The following PCCB variants were observed in gnomAD, a reference collection of about 807,000 sequenced individuals.
PCCB encodes the protein propionyl-CoA carboxylase beta chain, mitochondrial.
Under a neutral mutation model 60.7 loss-of-function variants are expected in PCCB, and 43 were observed. That is an observed-to-expected ratio of 0.71 (90% CI 0.55 to 0.91). PCCB has a LOEUF of 0.91. PCCB is among the 40% of genes least tolerant of loss of function. The pLI is 0.00. For missense variants in PCCB, 766 were observed against 702.8 expected, an observed-to-expected ratio of 1.09 and a Z score of -1.02; for synonymous variants, 276 against 255.9, an observed-to-expected ratio of 1.08 and a Z score of -0.75.
At chr3:136,280,616 A>T (rs1298958186) in intron 5 of PCCB, among the ~76,000 whole-genome samples, 1 of 152,190 alleles carries the variant, frequency 6.6e-6, no homozygotes, top group African/African-American at 2.4e-5. Context: ...AAAGAGCTGC[A>T]ATTACAGGCA....
At chr3:136,250,658 C>T (rs1206721411) in intron 1 of PCCB, 100 bp downstream of exon 1, 31 of 1,254,956 alleles carry the variant, frequency 2.5e-5, no homozygotes, top group Non-Finnish European at 3.1e-5. Context: ...CCAATCCGCA[C>T]GGTGCCTGGA....
At chr3:136,320,004 G>C (rs1227471084) in intron 10 of PCCB, among the ~76,000 whole-genome samples, 2 of 152,184 alleles carry the variant, frequency 1.3e-5, no homozygotes, top group African/African-American at 4.8e-5. Context: ...GAAATCAACA[G>C]GCTGTGGGTG....
At chr3:136,312,348 T>C (rs1182790881) in intron 9 of PCCB, among the ~76,000 whole-genome samples, 2 of 152,186 alleles carry the variant, frequency 1.3e-5, no homozygotes, top group Non-Finnish European at 2.9e-5. Flanking sequence ...TATGCAGTTG[T>C]AACACAATGG....
intron 10 of PCCB, among the ~76,000 whole-genome samples, chr3:136,320,921 C>A (rs906609992): frequency 6.6e-6 from 1 of 152,114 alleles, no homozygotes; most frequent in African/African-American, 2.4e-5. Context: ...GGAGGAAAAC[C>A]TAATCTTTCA....
chr3:136,262,067 T>G lies in PCCB; in HGVS notation c.543+2T>G. The stretch of plus-strand genomic sequence containing the variant: ...GCTGGCTATGCAGACATCTTTCTGG[T>G]GAGAAACCTGTTAATAGAGAATAAA... On this transcript the variant is annotated splice_donor_variant, in intron 5 of 14. Coordinates refer to ENST00000251654, the MANE Select transcript of PCCB (RefSeq NM_000532.5). LOFTEE classifies it high-confidence loss of function. The G allele has an allele frequency of 6.6e-7, 1 of 1,520,292 alleles. No individual in the cohort carries two copies. 94.2% of individuals were successfully genotyped at this position (1,520,292 alleles called of 1,614,324 possible). A position where few individuals can be genotyped will look rare whatever the true frequency, so the allele number is the denominator to read the frequency against.
At chr3:136,280,418 C>T (rs1232243864) in intron 5 of PCCB, among the ~76,000 whole-genome samples, 4 of 152,284 alleles carry the variant, frequency 2.6e-5, no homozygotes, top group Admixed American at 1.3e-4. Context: ...GCGATCTTGG[C>T]GCACAGCAAC....
chr3:136,265,092 G>A (rs1941951088), intron 5 of PCCB, among the ~76,000 whole-genome samples: 1 of 152,114 alleles, frequency 6.6e-6, no homozygotes, highest in Non-Finnish European at 1.5e-5. Flanking sequence ...TACTCGGGAG[G>A]CTGAGGCAGG....
At chr3:136,305,734 T>G (rs1934432194) in intron 9 of PCCB, among the ~76,000 whole-genome samples, 1 of 95,278 alleles carries the variant, frequency 1.0e-5, no homozygotes, top group Non-Finnish European at 2.2e-5. Flanking sequence ...GGGCGATGAG[T>G]GAAACTGTCT....
intron 10 of PCCB, among the ~76,000 whole-genome samples, chr3:136,323,756 G>T (rs1279182329): frequency 6.7e-6 from 1 of 149,762 alleles, no homozygotes; most frequent in African/African-American, 2.5e-5. Context: ...TTGCACTCCA[G>T]CCTGGGTGAC....
chr3:136,260,401 T>C (rs766846866), intron 3 of PCCB, 78 bp from the exon 4 acceptor site: 4 of 1,239,306 alleles, frequency 3.2e-6, no homozygotes, highest in Non-Finnish European at 4.7e-6. Context: ...CTGTGAATTT[T>C]CTATTTCTTC....
intron 3 of PCCB, chr3:136,259,217 A>G: frequency 7.5e-7 from 1 of 1,329,914 alleles, no homozygotes; most frequent in African/African-American, 1.5e-5. Flanking sequence ...TTGTCATCTC[A>G]GCACTTTGGG....
intron 5 of PCCB, among the ~76,000 whole-genome samples, chr3:136,282,221 AAT>A (rs1456768395): frequency 7.2e-5 from 11 of 152,234 alleles, no homozygotes; most frequent in Non-Finnish European, 4.4e-5. Flanking sequence ...CCATGTTATT[AAT>A]AAATGTGAAG....
chr3:136,283,713 G>T (rs1560010338), intron 5 of PCCB, 124 bp from the exon 6 acceptor site: 1 of 699,234 alleles, frequency 1.4e-6, no homozygotes, highest in African/African-American at 1.8e-5. Context: ...TAGGTCTGTT[G>T]CCTCCTGTAT....
intron 6 of PCCB, among the ~76,000 whole-genome samples, chr3:136,292,610 A>G (rs1933746039): frequency 1.3e-5 from 2 of 152,244 alleles, no homozygotes; most frequent in South Asian, 4.1e-4. Context: ...TCAAGCTAGA[A>G]AAACAAATTT....
intron 10 of PCCB, among the ~76,000 whole-genome samples, chr3:136,321,463 T>A (rs1288014621): frequency 6.6e-6 from 1 of 152,224 alleles, no homozygotes; most frequent in Non-Finnish European, 1.5e-5. Flanking sequence ...TCAGGAAACT[T>A]ACAATCATGG....
intron 5 of PCCB, among the ~76,000 whole-genome samples, chr3:136,280,967 A>G (rs989582010): frequency 6.6e-5 from 10 of 152,298 alleles, no homozygotes; most frequent in Middle Eastern, 3.4e-3. Context: ...CAGTACTTTA[A>G]ATATGTCCCA....
In PCCB at chr3:136,281,769, T is replaced by C. The variant is rs146963851; in HGVS notation, c.544-2068T>C. On this transcript the variant is annotated intron_variant, in intron 5 of 14. Coordinates refer to ENST00000251654, the MANE Select transcript of PCCB (RefSeq NM_000532.5). ...GTCTAGTTCTCCTACTTTTCAGGAA[T>C]AGCCGATTTTTGCTTGTCAACTGCT... Among the ~76,000 whole-genome samples the C allele has an allele frequency of 3.9e-3, 592 of 152,308 alleles. 2 individuals are homozygous for C. The highest frequency in any genetic ancestry group is 0.031 in the Middle Eastern group (9 of 294).
At chr3:136,306,004 C>T (rs1284773893) in intron 9 of PCCB, among the ~76,000 whole-genome samples, 1 of 122,058 alleles carries the variant, frequency 8.2e-6, no homozygotes, top group African/African-American at 2.5e-5. Flanking sequence ...CATCTTTCCC[C>T]ATCACCCTCC....
In PCCB at chr3:136,293,778, C is replaced by T; in HGVS notation, c.677C>T (p.Thr226Ile). The change falls in exon 7 of 15, where the codon ACT (threonine) becomes ATT (isoleucine). Residue 226 changes from threonine (T) to isoleucine (I), a missense_variant. Coordinates refer to ENST00000251654, the MANE Select transcript of PCCB (RefSeq NM_000532.5). ...CAGGACACCTCCTACCTGTTCATCA[C>T]TGGCCCTGATGTTGTGAAGTCTGTC... is the stretch of plus-strand genomic sequence containing the variant. ...MVKDTSYLFI[T>I]GPDVVKSVTN... 1.2e-6 allele frequency: 2 copies of T among 1,612,148 alleles called. No homozygotes were observed. The highest frequency in any genetic ancestry group is 8.5e-7 in the Non-Finnish European group (1 of 1,178,254).
Sources: gnomAD v4.1 joint callset for allele counts (sites outside exome capture counted in the v4.1 genomes callset) on GRCh38, gnomAD v4.1.1 for gene constraint, MANE v1.5 for transcripts, NCBI Gene and HGNC (gene_info 2026-07-23, HGNC 2026-07-21) for gene names.